Variants in NPAS3 observed in about 807,000 individuals in gnomAD.
NPAS3 encodes the protein neuronal PAS domain protein 3.
Under a neutral mutation model 73.1 loss-of-function variants are expected in NPAS3, and 14 were observed. The ratio of observed to expected loss-of-function variants is 0.19; its 90% CI spans 0.13 to 0.30. NPAS3 has a LOEUF of 0.30. Among genes scored for constraint, NPAS3 ranks in the 10% least tolerant of loss-of-function variants. The pLI is 1.00. For missense variants in NPAS3, 1,096 were observed against 1,250.0 expected (o/e 0.88, Z 1.86); for synonymous variants, 620 against 541.5 (o/e 1.14, Z -2.01).
chr14:33,452,813 G>GTACA, intron 4 of NPAS3, among the ~76,000 whole-genome samples: 1 of 131,066 alleles, frequency 7.6e-6, no homozygotes, highest in South Asian at 2.5e-4. Context: ...AAGTCATAAT[G>GTACA]TACAGCCTGA....
intron 3 of NPAS3, among the ~76,000 whole-genome samples, chr14:33,251,329 A>G (rs988143223): frequency 1.3e-4 from 20 of 152,060 alleles, no homozygotes; most frequent in African/African-American, 4.8e-4. Context: ...AATTAATGCT[A>G]TGTATTTGCA....
chr14:33,241,408 A>G (rs1246238884), intron 3 of NPAS3, among the ~76,000 whole-genome samples: 1 of 152,030 alleles, frequency 6.6e-6, no homozygotes, highest in Non-Finnish European at 1.5e-5. Flanking sequence ...AGAAGAGAGC[A>G]TGCCTCCATT....
chr14:33,761,786 T>C (rs2062301049), intron 7 of NPAS3, among the ~76,000 whole-genome samples: 1 of 150,024 alleles, frequency 6.7e-6, no homozygotes, highest in Admixed American at 6.6e-5. Flanking sequence ...GAGAATTGAG[T>C]GTCTTGCACA....
At chr14:33,542,603 T>A (rs1038711984) in intron 4 of NPAS3, among the ~76,000 whole-genome samples, 4 of 152,208 alleles carry the variant, frequency 2.6e-5, no homozygotes, top group African/African-American at 9.6e-5. Flanking sequence ...TCCCCAGAAC[T>A]GAATTTACTT....
At chr14:33,452,988 G>A (rs1399038421) in intron 4 of NPAS3, among the ~76,000 whole-genome samples, 2 of 152,016 alleles carry the variant, frequency 1.3e-5, no homozygotes, top group Non-Finnish European at 2.9e-5. Flanking sequence ...TCCGAGAATG[G>A]CTTTTTCCCT....
chr14:33,654,758 G>C (rs1485928689), intron 5 of NPAS3, among the ~76,000 whole-genome samples: 1 of 152,154 alleles, frequency 6.6e-6, no homozygotes, highest in Admixed American at 6.5e-5. Context: ...CACTGGAAAG[G>C]TGAGCTGCAG....
intron 3 of NPAS3, among the ~76,000 whole-genome samples, chr14:33,247,932 G>A (rs1594502267): frequency 2.6e-5 from 4 of 152,200 alleles, no homozygotes; most frequent in Admixed American, 2.6e-4. Context: ...GGAGGGCAGT[G>A]TTTGCAGAAT....
chr14:33,620,276 A>G (rs979059576), intron 5 of NPAS3, among the ~76,000 whole-genome samples: 6 of 152,222 alleles, frequency 3.9e-5, no homozygotes, highest in Admixed American at 6.5e-5. Context: ...GAAACTATAG[A>G]CAACCTTTGA....
rs144664046 is a variant in NPAS3, at chr14:33,256,526, A to G, written c.385+41100A>G. Among the ~76,000 whole-genome samples the G allele has an allele frequency of 1.9e-3, 287 of 152,264 alleles. 1 individual carries two copies. The highest frequency in any genetic ancestry group is 6.6e-3 in the African/African-American group (273 of 41,554). On this transcript the variant is annotated intron_variant, in intron 3 of 11. Transcript: ENST00000356141. ...CATTATCAATTGCAGTTTGTTCTTA[A>G]TTTTGTGATGAATTAGAATATAATC...
chr14:33,374,616 A>T (rs1480804188), intron 4 of NPAS3, among the ~76,000 whole-genome samples: 1 of 151,842 alleles, frequency 6.6e-6, no homozygotes, highest in African/African-American at 2.4e-5. Flanking sequence ...CCAATTGTAG[A>T]AGACCGAGTA....
chr14:33,685,950 G>C (rs1157836671), intron 6 of NPAS3, among the ~76,000 whole-genome samples: 2 of 152,122 alleles, frequency 1.3e-5, no homozygotes, highest in Non-Finnish European at 2.9e-5. Context: ...GAACAGGAGA[G>C]GTAGATGTGA....
At chr14:32,977,356 G>GCACTCACACACACACACACA (rs71432100) in intron 1 of NPAS3, among the ~76,000 whole-genome samples, 1 of 141,448 alleles carries the variant, frequency 7.1e-6, no homozygotes. Flanking sequence ...TCTCTGACAC[G>GCACTCACACACACACACACA]CACACACACA....
intron 1 of NPAS3, among the ~76,000 whole-genome samples, chr14:33,000,330 G>C (rs147154436): frequency 9.2e-5 from 14 of 152,246 alleles, no homozygotes; most frequent in South Asian, 8.3e-4. Context: ...CTCAAATGCC[G>C]ACTAAGTGTG....
At chr14:33,744,353 T>C (rs145247438) in intron 7 of NPAS3, among the ~76,000 whole-genome samples, 1 of 152,246 alleles carries the variant, frequency 6.6e-6, no homozygotes, top group African/African-American at 2.4e-5. Flanking sequence ...GAACAGCTGG[T>C]CATTGGAGCA....
rs139866246 is a variant in NPAS3, at chr14:33,575,162, T to C, written c.558+14952T>C. Among the ~76,000 whole-genome samples, 1,303 of 152,328 alleles carry C rather than the reference T, an allele frequency of 8.6e-3. 12 individuals are homozygous for C. Among genetic ancestry groups the C allele is most frequent in the South Asian group, 0.013 (63 of 4,830 alleles). On this transcript the variant is annotated intron_variant, in intron 5 of 11. Transcript: ENST00000356141. ...TAATGGATTCCATTGTAGACCAACA[T>C]ATCATGCAATTAACTTTTACCATTT...
chr14:32,975,701 T>G (rs1386993026), intron 1 of NPAS3, among the ~76,000 whole-genome samples: 1 of 152,200 alleles, frequency 6.6e-6, no homozygotes, highest in African/African-American at 2.4e-5. Context: ...GAATATGAAG[T>G]GCTTTATAGT....
intron 4 of NPAS3, among the ~76,000 whole-genome samples, chr14:33,514,325 A>T (rs2053199309): frequency 6.6e-6 from 1 of 151,992 alleles, no homozygotes; most frequent in African/African-American, 2.4e-5. Flanking sequence ...CCTCTCAAGT[A>T]GATAAACAGT....
At chr14:33,017,073 A>G (rs58966620) in intron 1 of NPAS3, among the ~76,000 whole-genome samples, 6,402 of 152,304 alleles carry the variant, frequency 0.042, 259 homozygotes, top group East Asian at 0.22. Context: ...ACTGCCTTCA[A>G]TCGCTACAAA....
chr14:33,657,093 A>G (rs2059165504), intron 5 of NPAS3, among the ~76,000 whole-genome samples: 1 of 152,218 alleles, frequency 6.6e-6, no homozygotes, highest in Non-Finnish European at 1.5e-5. Flanking sequence ...CATCGCGCTA[A>G]GTGAAATAAC....
Sources: allele counts gnomAD v4.1 joint callset (sites outside exome capture counted in the v4.1 genomes callset), GRCh38; gene constraint gnomAD v4.1.1; transcripts MANE v1.5; gene names NCBI Gene and HGNC (gene_info 2026-07-23, HGNC 2026-07-21).